Variants in LRRK2 observed in about 807,000 individuals in gnomAD.
LRRK2 encodes the protein leucine-rich repeat serine/threonine-protein kinase 2.
In LRRK2, 203 loss-of-function variants were observed where a neutral mutation model predicts 302.6. That is an observed-to-expected ratio of 0.67 (90% confidence interval 0.60 to 0.75). The LOEUF (loss-of-function observed/expected upper bound fraction) is 0.75, where lower values mean the gene tolerates loss of function less well. LRRK2 is among the 30% of genes least tolerant of loss of function. The probability of loss-of-function intolerance (pLI) is 0.00; values close to 1 mark genes in which losing one functional copy is unlikely to be tolerated. For missense variants in LRRK2, 2,830 were observed against 2,951.0 expected, an observed-to-expected ratio of 0.96 and a Z score of 0.95; for synonymous variants, 1,066 against 1,031.9, an observed-to-expected ratio of 1.03 and a Z score of -0.63.
chr12:40,293,485 C>T, intron 20 of LRRK2, 60 bp from the exon 21 acceptor site: 1 of 1,057,940 alleles, frequency 9.5e-7, no homozygotes, highest in East Asian at 2.5e-5. Context: ...ATAGAAGGAT[C>T]TTATGATTGA....
intron 8 of LRRK2, 42 bp from the exon 9 acceptor site, chr12:40,251,190 A>AAT: frequency 5.4e-6 from 7 of 1,298,994 alleles, no homozygotes; most frequent in Non-Finnish European, 5.4e-6. Flanking sequence ...TTAAGTAGAT[A>AAT]ATATATATAA....
At chr12:40,303,919 G>A (rs142706504) in intron 26 of LRRK2, 29 bp from the exon 27 acceptor site, 2 of 1,606,750 alleles carry the variant, frequency 1.2e-6, no homozygotes, top group African/African-American at 1.3e-5. Context: ...TACTCATTTG[G>A]TTTATGTCTT....
intron 33 of LRRK2, among the ~76,000 whole-genome samples, chr12:40,318,780 C>G (rs567622280): frequency 1.3e-5 from 2 of 152,158 alleles, no homozygotes; most frequent in South Asian, 4.1e-4. Context: ...AACACTAAAA[C>G]AGCAAACAAT....
intron 25 of LRRK2, among the ~76,000 whole-genome samples, chr12:40,302,155 G>A (rs1313883484): frequency 1.1e-4 from 17 of 151,902 alleles, no homozygotes; most frequent in Admixed American, 1.1e-3. Flanking sequence ...TCCAGCCTGG[G>A]CAACAGAGCG....
intron 3 of LRRK2, 111 bp from the exon 4 acceptor site, chr12:40,235,515 G>T (rs759891115): frequency 2.8e-6 from 2 of 724,740 alleles, no homozygotes; most frequent in Non-Finnish European, 2.5e-6. Flanking sequence ...TCACTACAGG[G>T]AATTAAATAC....
At chr12:40,360,066 A>G (rs768048652) in intron 47 of LRRK2, among the ~76,000 whole-genome samples, 9 of 152,106 alleles carry the variant, frequency 5.9e-5, no homozygotes, top group Non-Finnish European at 1.3e-4. Context: ...GCAGTATAGG[A>G]TTGTGGATAA....
chr12:40,245,907 T>G lies in LRRK2; in HGVS notation c.838+2226T>G, dbSNP rs557983306. Among the ~76,000 whole-genome samples the G allele has an allele frequency of 1.3e-3, 205 of 152,202 alleles. 2 individuals carry two copies. Among genetic ancestry groups the G allele is most frequent in the African/African-American group, 4.4e-3 (184 of 41,564 alleles). ...ATATAATTTGTAAATAATGACAGTC[T>G]GAGTTCTTCCTTTCTGCTTCTTATA... On this transcript the variant is annotated intron_variant, in intron 7 of 50. Transcript: ENST00000298910.
At chr12:40,353,291 T>C (rs2099469331) in intron 44 of LRRK2, among the ~76,000 whole-genome samples, 1 of 113,606 alleles carries the variant, frequency 8.8e-6, no homozygotes, top group Non-Finnish European at 1.9e-5. Flanking sequence ...GCAGAGGGAC[T>C]CCTCACTTCT....
At position 40,238,043 on chromosome 12, in the gene LRRK2, C is replaced by A. The variant is rs762213831; in HGVS notation, c.511C>A (p.Pro171Thr). ...MLIFDAMHSF[P>T]ANDEVQKLGC... ...AATTTTTGATGCCATGCACTCATTT[C>A]CAGCCAATGATGAAGTCCAGAAACT... The change falls in exon 5 of 51, where the codon CCA becomes ACA. Residue 171 changes from proline (P) to threonine (T), a missense_variant. Pro to Thr is a conservative substitution (Grantham distance 38, BLOSUM62 -1). Coordinates refer to ENST00000298910, the MANE Select transcript of LRRK2 (RefSeq NM_198578.4). 6.2e-7 allele frequency: 1 copy of A among 1,613,650 alleles called. No homozygotes were observed. Among genetic ancestry groups the A allele is most frequent in the South Asian group, 1.1e-5 (1 of 91,076 alleles).
rs281865042 is a variant in LRRK2 at position 40,274,899 on chromosome 12, A to G, written c.1847A>G (p.Lys616Arg). 2 of 1,613,026 alleles carry G rather than the reference A, an allele frequency of 1.2e-6. No individual in the cohort carries two copies. The highest frequency in any genetic ancestry group is 2.2e-5 in the East Asian group (1 of 44,856). The change falls in exon 16 of 51, where the codon AAG (lysine) becomes AGG (arginine). Residue 616 changes from lysine to arginine, a missense_variant. Coordinates refer to ENST00000298910, the MANE Select transcript of LRRK2 (RefSeq NM_198578.4). ...AGTCTTATAGGATACTTGATTACAA[A>G]GAAGAATGTGTTCATAGGAACTGGA... ...GLSLIGYLIT[K>R]KNVFIGTGHL...
chr12:40,298,202 C>T (rs755770187), intron 23 of LRRK2, 41 bp from the exon 24 acceptor site: 10 of 1,605,080 alleles, frequency 6.2e-6, no homozygotes, highest in East Asian at 2.2e-5. Context: ...TTAAGTTCCT[C>T]AGATGGTTCA....
intron 4 of LRRK2, among the ~76,000 whole-genome samples, chr12:40,237,376 G>A (rs895259144): frequency 2.6e-4 from 39 of 152,164 alleles, no homozygotes; most frequent in African/African-American, 9.4e-4. Context: ...AACTGTTTTT[G>A]CATTCTAGAT....
chr12:40,347,258 T>C (rs1946214988), intron 42 of LRRK2, among the ~76,000 whole-genome samples: 1 of 152,210 alleles, frequency 6.6e-6, no homozygotes, highest in African/African-American at 2.4e-5. Context: ...GTTTTCGTTT[T>C]CTTGGAGTGA....
intron 38 of LRRK2, among the ~76,000 whole-genome samples, chr12:40,326,963 C>T (rs1233016806): frequency 1.3e-5 from 2 of 152,114 alleles, no homozygotes; most frequent in Non-Finnish European, 2.9e-5. Context: ...TATATATGCT[C>T]ATTATAGACA....
In LRRK2 at chr12:40,314,034, C is replaced by A; in HGVS notation, c.4599C>A (p.Ile1533=). The A allele has an allele frequency of 6.2e-7, 1 of 1,612,384 alleles. No homozygotes were observed. Among genetic ancestry groups the A allele is most frequent in the Non-Finnish European group, 8.5e-7 (1 of 1,178,890 alleles). The change falls in exon 32 of 51, where the codon ATC becomes ATA. Residue 1533 remains isoleucine (I), a synonymous_variant. Transcript: ENST00000298910. ...IPDCYVELEK[I]ILSERKNVPI... is the part of the protein sequence containing the mutation. ...ACTGCTATGTAGAACTTGAAAAAAT[C>A]ATTTTATCGGAGCGTAAAAATGTGC...
At chr12:40,300,915 G>A in intron 25 of LRRK2, 1 of 471,114 alleles carries the variant, frequency 2.1e-6, no homozygotes, top group Non-Finnish European at 4.4e-6. Context: ...GGAAAGAGGA[G>A]CATCCAAAAG....
rs200955457 is a variant in LRRK2, at chr12:40,259,534, G to T, written c.1473G>T (p.Met491Ile). The T allele has an allele frequency of 1.9e-4, 306 of 1,613,256 alleles. No homozygotes were observed. Among genetic ancestry groups the T allele is most frequent in the Non-Finnish European group, 2.5e-4 (300 of 1,179,524 alleles). Residue 491 changes from methionine (M) to isoleucine (I), a missense_variant, in exon 13 of 51, where the codon ATG becomes ATT. By Grantham distance (10) the Met-to-Ile change is conservative. Around this residue, in one of 3 missense-constraint regions of LRRK2, gnomAD observed 2,121 missense variants for 2,148.0 expected, o/e 0.99. Transcript: ENST00000298910. ...AAVVPKILTV[M>I]KRHETSLPVQ... ...TGGTCCCCAAAATACTAACAGTTAT[G>T]AAACGTCATGAGACATCATTACCAG... is the stretch of plus-strand genomic sequence containing the variant.
intron 18 of LRRK2, among the ~76,000 whole-genome samples, chr12:40,279,634 T>C (rs1592212169): frequency 6.6e-6 from 1 of 152,320 alleles, no homozygotes; most frequent in Admixed American, 6.5e-5. Flanking sequence ...AAGCACCTGA[T>C]ACAACTGTAC....
intron 41 of LRRK2, among the ~76,000 whole-genome samples, chr12:40,344,694 A>C (rs1235342753): frequency 6.6e-6 from 1 of 152,182 alleles, no homozygotes; most frequent in African/African-American, 2.4e-5. Flanking sequence ...GGTGCACTTT[A>C]TTAGGGATAT....
Sources: gnomAD v4.1 joint callset for allele counts (sites outside exome capture counted in the v4.1 genomes callset) on GRCh38, gnomAD v4.1.1 for gene constraint, gnomAD v4.1.1 regional missense constraint, MANE v1.5 for transcripts, NCBI Gene and HGNC (gene_info 2026-07-23, HGNC 2026-07-21) for gene names.